The following NCALD variants were observed in gnomAD, a reference collection of about 807,000 sequenced individuals.
NCALD encodes the protein neurocalcin delta.
Under a neutral mutation model 18.6 loss-of-function variants are expected in NCALD, and 10 were observed. The ratio of observed to expected loss-of-function variants is 0.54; its 90% confidence interval spans 0.33 to 0.91. The LOEUF is 0.91. Among genes scored for constraint, NCALD ranks in the 40% least tolerant of loss-of-function variants. The pLI is 0.03. For synonymous variants in NCALD, 88 were observed against 87.4 expected, an observed-to-expected ratio of 1.01 and a Z score of -0.04; for missense variants, 184 against 247.6, an observed-to-expected ratio of 0.74 and a Z score of 1.72.
chr8:101,774,673 T>C (rs1196495336), intron 1 of NCALD, among the ~76,000 whole-genome samples: 1 of 152,178 alleles, frequency 6.6e-6, no homozygotes, highest in Non-Finnish European at 1.5e-5. Flanking sequence ...CAGTGAGTCA[T>C]GGCGGAGGCA....
At chr8:101,786,497 T>C (rs948683772) in intron 1 of NCALD, among the ~76,000 whole-genome samples, 1 of 152,194 alleles carries the variant, frequency 6.6e-6, no homozygotes, top group African/African-American at 2.4e-5. Flanking sequence ...TCCAACGATA[T>C]TGTAAATATG....
chr8:101,911,439 C>T (rs1817797537), intron 3 of NCALD, among the ~76,000 whole-genome samples: 1 of 150,474 alleles, frequency 6.6e-6, no homozygotes, highest in Non-Finnish European at 1.5e-5. Context: ...CTCACTGCAA[C>T]CTCTGCCTCC....
chr8:101,751,595 AAAGGGGAGGG>A (rs752568338), intron 1 of NCALD, among the ~76,000 whole-genome samples: 1 of 152,166 alleles, frequency 6.6e-6, no homozygotes, highest in Non-Finnish European at 1.5e-5. Flanking sequence ...CATCTCCATG[AAAGGGGAGGG>A]CCCAGAATTC....
At chr8:102,116,200 A>G (rs1825779704) in intron 1 of NCALD, among the ~76,000 whole-genome samples, 1 of 152,228 alleles carries the variant, frequency 6.6e-6, no homozygotes, top group South Asian at 2.1e-4. Context: ...TGGCACATGT[A>G]TACATATGTA....
chr8:102,067,545 G>C (rs957853317), intron 1 of NCALD, among the ~76,000 whole-genome samples: 1 of 152,086 alleles, frequency 6.6e-6, no homozygotes, highest in African/African-American at 2.4e-5. Context: ...TAAAGCACCA[G>C]TAGGCATTAT....
At chr8:102,014,091 G>C (rs969695121) in intron 2 of NCALD, among the ~76,000 whole-genome samples, 1 of 152,168 alleles carries the variant, frequency 6.6e-6, no homozygotes, top group Non-Finnish European at 1.5e-5. Context: ...TATGGAGAGG[G>C]CAGAATTGCC....
intron 4 of NCALD, among the ~76,000 whole-genome samples, chr8:101,800,629 G>C (rs150298905): frequency 1.3e-4 from 19 of 151,632 alleles, no homozygotes; most frequent in Non-Finnish European, 2.4e-4. Context: ...CTGTATGCAA[G>C]AGACACACTT....
At chr8:101,709,540 A>C (rs1815689718) in intron 2 of NCALD, among the ~76,000 whole-genome samples, 2 of 152,234 alleles carry the variant, frequency 1.3e-5, no homozygotes, top group Non-Finnish European at 2.9e-5. Flanking sequence ...AGGCAAATGT[A>C]ATTCCATTTT....
chr8:102,059,161 C>G (rs1288876949), intron 1 of NCALD, among the ~76,000 whole-genome samples: 1 of 152,156 alleles, frequency 6.6e-6, no homozygotes, highest in South Asian at 2.1e-4. Flanking sequence ...TCCCCTTTAC[C>G]TAGAACATTC....
At chr8:101,926,594 AAAT>A (rs1463263788) in intron 2 of NCALD, among the ~76,000 whole-genome samples, 1 of 152,246 alleles carries the variant, frequency 6.6e-6, no homozygotes, top group Non-Finnish European at 1.5e-5. Context: ...TAAATAAGTT[AAAT>A]AATATGTCCA....
intron 2 of NCALD, among the ~76,000 whole-genome samples, chr8:102,003,541 T>G (rs563091959): frequency 6.6e-6 from 1 of 152,294 alleles, no homozygotes; most frequent in South Asian, 2.1e-4. Context: ...GAGGCCAGCA[T>G]CATCCTGATA....
chr8:102,004,478 C>T (rs1161078120), intron 2 of NCALD, among the ~76,000 whole-genome samples: 2 of 152,104 alleles, frequency 1.3e-5, no homozygotes, highest in African/African-American at 2.4e-5. Flanking sequence ...AGATTCAGTG[C>T]CATCCCCATC....
chr8:101,756,017 G>A (rs1469971095), intron 1 of NCALD, among the ~76,000 whole-genome samples: 2 of 152,068 alleles, frequency 1.3e-5, no homozygotes, highest in Non-Finnish European at 2.9e-5. Context: ...AACACACACT[G>A]TGTGCTGAGC....
chr8:101,852,100 T>C (rs1372989337), intron 4 of NCALD, among the ~76,000 whole-genome samples: 1 of 152,164 alleles, frequency 6.6e-6, no homozygotes, highest in Non-Finnish European at 1.5e-5. Context: ...CCAGCCTCCA[T>C]AACCATGAGC....
chr8:102,051,108 T>C lies in NCALD; in HGVS notation c.-209-30819A>G, dbSNP rs569281079. On this transcript the variant is annotated intron_variant, in intron 1 of 6. Coordinates refer to the NCALD transcript ENST00000311028. Reference sequence around the variant, plus strand: ...ATGTGAGGTCCAGGCCAACTCTCTCTGCCCTGTCTCTCAACCCCCAATAGT... The same window carrying C: ...ATGTGAGGTCCAGGCCAACTCTCTCCGCCCTGTCTCTCAACCCCCAATAGT... Among the ~76,000 whole-genome samples, 19 of 152,270 alleles carry C rather than the reference T, an allele frequency of 1.2e-4. No homozygotes were observed. The South Asian group carries it at 3.7e-3, about 30-fold the overall frequency.
Position 102,103,654 on chromosome 8 carries a change from A to C in NCALD, c.-210+20583T>G, listed in dbSNP as rs577388681. 2.6e-5 allele frequency among the ~76,000 whole-genome samples: 4 copies of C among 152,262 alleles called. No homozygotes were observed. The South Asian group carries it at 8.3e-4, about 32-fold the overall frequency. ...ACTGCAGCCTTGACCTCATGGGCTC[A>C]AGCAATCCTACTGCCTCAGCCTCTA... is the stretch of plus-strand genomic sequence containing the variant. On this transcript the variant is annotated intron_variant, in intron 1 of 6. Transcript: ENST00000311028.
At position 101,919,159 on chromosome 8, in the gene NCALD, A is replaced by G. The variant is rs1818075323; in HGVS notation, c.-156-3301T>C. On this transcript the variant is annotated intron_variant, in intron 2 of 6. Coordinates refer to the NCALD transcript ENST00000311028. ...ATATGGCTATAGTCACCAAAACAGC[A>G]TGGTACTAGTGCAAAAACAGGCACA... is the stretch of plus-strand genomic sequence containing the variant. 3.3e-5 allele frequency among the ~76,000 whole-genome samples: 5 copies of G among 152,232 alleles called. No homozygotes were observed. The South Asian group carries it at 8.3e-4, about 25-fold the overall frequency.
At chr8:102,004,365 C>T (rs1387319387) in intron 2 of NCALD, among the ~76,000 whole-genome samples, 8 of 151,940 alleles carry the variant, frequency 5.3e-5, no homozygotes, top group African/African-American at 1.7e-4. Context: ...AACCACTGCT[C>T]AAGGAAATAA....
rs1359856108 is a variant in NCALD, at chr8:101,920,093, C to CA, written c.-156-4236dup. ...ACAACATGGCAAAACTCCACCTCTA[C>CA]AAAAAATACAAAAATTAGCTGAGTG... On this transcript the variant is annotated intron_variant, in intron 2 of 6. Coordinates refer to the NCALD transcript ENST00000311028. Among the ~76,000 whole-genome samples, 5 of 152,084 alleles carry CA rather than the reference C, an allele frequency of 3.3e-5. No homozygotes were observed. In the East Asian group the frequency reaches 7.7e-4, roughly 24 times the overall value.
Sources: gnomAD v4.1 joint callset for allele counts (sites outside exome capture counted in the v4.1 genomes callset) on GRCh38, gnomAD v4.1.1 for gene constraint, MANE v1.5 for transcripts, NCBI Gene and HGNC (gene_info 2026-07-23, HGNC 2026-07-21) for gene names.